C10orf90: variants seen among roughly 807,000 people sequenced by gnomAD.
The protein encoded by C10orf90 is chromosome 10 open reading frame 90.
Under a neutral mutation model 62.5 loss-of-function variants are expected in C10orf90, and 56 were observed. The ratio of observed to expected loss-of-function variants is 0.90; its 90% CI spans 0.72 to 1.12. The LOEUF (loss-of-function observed/expected upper bound fraction) is 1.12, where lower values mean the gene tolerates loss of function less well. Ranked by LOEUF, C10orf90 falls within the 50% of genes most tolerant of loss-of-function variation. The pLI is 0.00. For missense variants in C10orf90, 970 were observed against 880.4 expected (o/e 1.10, Z -1.29); for synonymous variants, 386 against 340.4 (o/e 1.13, Z -1.47).
chr10:126,607,887 A>C lies in C10orf90; in HGVS notation c.313+38678T>G, dbSNP rs74158848. 3.3e-3 allele frequency among the ~76,000 whole-genome samples: 507 copies of C among 152,346 alleles called. 3 individuals are homozygous for C. The highest frequency in any genetic ancestry group is 0.012 in the African/African-American group (495 of 41,586). On this transcript the variant is annotated intron_variant, in intron 2 of 9. Transcript: ENST00000488181. ...ATGTTACAGGAAATAAGCCAGTCCC[A>C]AAAGGACAAATACCGTATGATTCCA...
intron 4 of C10orf90, among the ~76,000 whole-genome samples, chr10:126,487,689 A>G (rs1861512781): frequency 6.6e-6 from 1 of 152,164 alleles, no homozygotes. Flanking sequence ...TGCACCACCA[A>G]AAGGAACATG....
intron 4 of C10orf90, among the ~76,000 whole-genome samples, chr10:126,479,574 C>G (rs1035231887): frequency 2.0e-5 from 3 of 152,178 alleles, no homozygotes; most frequent in African/African-American, 4.8e-5. Flanking sequence ...GGACCCACCC[C>G]CTCCAGGACG....
chr10:126,450,853 C>T (rs532910701), intron 7 of C10orf90, among the ~76,000 whole-genome samples: 11 of 152,198 alleles, frequency 7.2e-5, no homozygotes, highest in East Asian at 3.9e-4. Flanking sequence ...AATTATATCA[C>T]GCTATACAGC....
chr10:126,593,888 C>A (rs920862638), intron 2 of C10orf90, among the ~76,000 whole-genome samples: 11 of 151,872 alleles, frequency 7.2e-5, no homozygotes, highest in Non-Finnish European at 1.6e-4. Flanking sequence ...GTCTTCCAGG[C>A]AGGATATCGT....
At chr10:126,535,342 C>A (rs962594206) in intron 2 of C10orf90, among the ~76,000 whole-genome samples, 3 of 151,730 alleles carry the variant, frequency 2.0e-5, no homozygotes, top group Non-Finnish European at 4.4e-5. Flanking sequence ...AAGGTGAAAT[C>A]CCGTGTCTAC....
At chr10:126,596,177 C>T (rs1845082063) in intron 2 of C10orf90, among the ~76,000 whole-genome samples, 1 of 150,222 alleles carries the variant, frequency 6.7e-6, no homozygotes, top group African/African-American at 2.5e-5. Flanking sequence ...GTAGCACACA[C>T]CTGTAGTCTC....
At chr10:126,455,611 C>G (rs1230697958) in intron 7 of C10orf90, among the ~76,000 whole-genome samples, 1 of 152,144 alleles carries the variant, frequency 6.6e-6, no homozygotes, top group Non-Finnish European at 1.5e-5. Flanking sequence ...CAGGTGGCAC[C>G]CGGGTGAGGA....
At chr10:126,558,533 T>G (rs1864827940) in intron 2 of C10orf90, among the ~76,000 whole-genome samples, 1 of 152,216 alleles carries the variant, frequency 6.6e-6, no homozygotes, top group African/African-American at 2.4e-5. Context: ...GTATGCTTGT[T>G]CTGCCTTTCC....
Position 126,522,539 on chromosome 10 carries a change from G to A in C10orf90, c.314-8600C>T, listed in dbSNP as rs75651299. ...CACTGGATAATCTCAAGCCCCTTGCGTCTGGTCAGTGTCTCCGTCATGTCA... is the reference window on the plus strand; with the variant it reads ...CACTGGATAATCTCAAGCCCCTTGCATCTGGTCAGTGTCTCCGTCATGTCA... On this transcript the variant is annotated intron_variant, in intron 2 of 9. Coordinates refer to ENST00000488181, the MANE Select transcript of C10orf90 (RefSeq NM_001350921.2). Among the ~76,000 whole-genome samples, 1,068 of 152,324 alleles carry A rather than the reference G, an allele frequency of 7.0e-3. 11 individuals are homozygous for A. Among genetic ancestry groups the A allele is most frequent in the African/African-American group, 0.022 (904 of 41,578 alleles).
intron 2 of C10orf90, among the ~76,000 whole-genome samples, chr10:126,642,307 C>T (rs1016956609): frequency 3.9e-5 from 6 of 152,086 alleles, no homozygotes; most frequent in Non-Finnish European, 7.3e-5. Context: ...CCAAGGTGGG[C>T]AGATCACGAG....
rs139333312 is a variant in C10orf90, at chr10:126,648,567, C to T, written c.241-1930G>A. Among the ~76,000 whole-genome samples, 14 of 152,270 alleles carry T rather than the reference C, an allele frequency of 9.2e-5. No individual in the cohort carries two copies. In the East Asian group the frequency reaches 1.9e-3, roughly 21 times the overall value. Reference sequence around the variant, plus strand: ...CTTTTTCTCTGACTTAGCGTAGACGCGCCATGGGAAATATTGGATAATGCA... The same window carrying T: ...CTTTTTCTCTGACTTAGCGTAGACGTGCCATGGGAAATATTGGATAATGCA... On this transcript the variant is annotated intron_variant, in intron 1 of 9. Transcript: ENST00000488181.
rs374596817 is a variant in C10orf90 at position 126,626,977 on chromosome 10, ATTTTTCTTTTTC to A, written c.313+19576_313+19587del. Among the ~76,000 whole-genome samples the A allele has an allele frequency of 1.6e-3, 224 of 140,390 alleles. 4 individuals are homozygous for A. The highest frequency in any genetic ancestry group is 2.0e-3 in the Non-Finnish European group (131 of 64,014). 92.1% of individuals were successfully genotyped at this position (140,390 alleles called of 152,430 possible). A position where few individuals can be genotyped will look rare whatever the true frequency, so the allele number is the denominator to read the frequency against. On this transcript the variant is annotated intron_variant, in intron 2 of 9. Coordinates refer to ENST00000488181, the MANE Select transcript of C10orf90 (RefSeq NM_001350921.2). Reference sequence around the variant, plus strand: ...TGAACAGACAGGAGCTGTGATTTAGATTTTTCTTTTTCTTTTTCTTTTCTTTTTTTTTTTTTT... The same window carrying A: ...TGAACAGACAGGAGCTGTGATTTAGATTTTTCTTTTCTTTTTTTTTTTTTT...
At chr10:126,651,448 A>G (rs550545784) in intron 1 of C10orf90, among the ~76,000 whole-genome samples, 2 of 152,310 alleles carry the variant, frequency 1.3e-5, no homozygotes, top group African/African-American at 4.8e-5. Flanking sequence ...TGCTGGAGTT[A>G]TTGCACAATA....
At chr10:126,554,200 A>C (rs1864705540) in intron 2 of C10orf90, among the ~76,000 whole-genome samples, 1 of 152,224 alleles carries the variant, frequency 6.6e-6, no homozygotes, top group Non-Finnish European at 1.5e-5. Context: ...GATAAATAAT[A>C]CTTGGCATAG....
At chr10:126,575,272 C>G (rs1844587134) in intron 2 of C10orf90, among the ~76,000 whole-genome samples, 1 of 151,938 alleles carries the variant, frequency 6.6e-6, no homozygotes, top group Admixed American at 6.6e-5. Context: ...TACCTAGAAA[C>G]TCTTAGAACT....
intron 4 of C10orf90, among the ~76,000 whole-genome samples, chr10:126,489,928 TA>T (rs1295585927): frequency 7.2e-6 from 1 of 139,194 alleles, no homozygotes; most frequent in Non-Finnish European, 1.5e-5. Context: ...AATTGGAGGC[TA>T]AAGAGGGGAA....
At chr10:126,483,965 A>G (rs530107970) in intron 4 of C10orf90, among the ~76,000 whole-genome samples, 1 of 152,024 alleles carries the variant, frequency 6.6e-6, no homozygotes, top group South Asian at 2.1e-4. Flanking sequence ...CAACCCCCTG[A>G]CCCCACCTTG....
At chr10:126,485,051 G>A (rs1219619287) in intron 4 of C10orf90, among the ~76,000 whole-genome samples, 1 of 152,194 alleles carries the variant, frequency 6.6e-6, no homozygotes, top group Non-Finnish European at 1.5e-5. Flanking sequence ...AAATTCATAT[G>A]GTGAAGCCCT....
chr10:126,586,288 C>T (rs891632813), intron 2 of C10orf90, among the ~76,000 whole-genome samples: 4 of 152,194 alleles, frequency 2.6e-5, no homozygotes, highest in Admixed American at 1.3e-4. Context: ...GTCTTGAAAC[C>T]GGAGCCTTGA....
Sources: gnomAD v4.1 joint callset for allele counts (sites outside exome capture counted in the v4.1 genomes callset) on GRCh38, gnomAD v4.1.1 for gene constraint, MANE v1.5 for transcripts, NCBI Gene and HGNC (gene_info 2026-07-23, HGNC 2026-07-21) for gene names.